The following SENP5 variants were observed in gnomAD, a reference collection of about 807,000 sequenced individuals.
SENP5 encodes SUMO specific peptidase 5, also known as sentrin-specific protease 5.
A neutral mutation model predicts 74.2 loss-of-function variants in SENP5; 21 were observed. That is an observed-to-expected ratio of 0.28 (90% CI 0.20 to 0.41). The LOEUF is 0.41. SENP5 is among the 10% of genes least tolerant of loss of function. The pLI, the probability that SENP5 is intolerant of heterozygous loss-of-function variation, is 1.00. For missense variants in SENP5, 717 were observed against 889.1 expected, an observed-to-expected ratio of 0.81 and a Z score of 2.46; for synonymous variants, 311 against 312.7, an observed-to-expected ratio of 0.99 and a Z score of 0.06.
chr3:196,914,709 A>G (rs965536992), intron 6 of SENP5: 18 of 149,928 alleles, frequency 1.2e-4, no homozygotes, highest in Non-Finnish European at 2.4e-4. Context: ...GTACCCTTCA[A>G]CCATCGTCCT....
intron 6 of SENP5, among the ~76,000 whole-genome samples, chr3:196,919,765 C>G (rs890240537): frequency 4.0e-5 from 6 of 151,172 alleles, no homozygotes; most frequent in Admixed American, 1.3e-4. Flanking sequence ...TCCACTGCAG[C>G]CTGGGCAACA....
At chr3:196,877,769 A>G (rs1713544868) in intron 1 of SENP5, among the ~76,000 whole-genome samples, 3 of 152,302 alleles carry the variant, frequency 2.0e-5, no homozygotes, top group South Asian at 2.1e-4. Flanking sequence ...TGAGTTCTCT[A>G]CAGAATCCCA....
At chr3:196,911,577 A>G (rs369968910) in intron 6 of SENP5, among the ~76,000 whole-genome samples, 1 of 151,074 alleles carries the variant, frequency 6.6e-6, no homozygotes, top group African/African-American at 2.4e-5. Context: ...AAAAAAGGAC[A>G]TTTATGTAGC....
At chr3:196,899,608 A>T (rs1714610810) in intron 2 of SENP5, 58 bp from the exon 3 acceptor site, 1 of 1,006,956 alleles carries the variant, frequency 9.9e-7, no homozygotes, top group Admixed American at 1.7e-5. Context: ...TTGGAGAATG[A>T]CTCTACTGAA....
intron 6 of SENP5, among the ~76,000 whole-genome samples, chr3:196,921,572 C>T (rs796489073): frequency 2.0e-4 from 30 of 151,764 alleles, no homozygotes; most frequent in African/African-American, 6.8e-4. Context: ...GTTTTATTTA[C>T]TACTGTATTC....
intron 1 of SENP5, among the ~76,000 whole-genome samples, chr3:196,874,267 G>A (rs1416177342): frequency 9.4e-6 from 1 of 106,388 alleles, no homozygotes; most frequent in African/African-American, 3.8e-5. Context: ...TGCTTCATCA[G>A]AATTTAAACA....
intron 2 of SENP5, among the ~76,000 whole-genome samples, chr3:196,890,055 A>G (rs1714139196): frequency 6.6e-6 from 1 of 152,238 alleles, no homozygotes; most frequent in Non-Finnish European, 1.5e-5. Context: ...TTTTCAGAAC[A>G]GCTGCTGGGG....
intron 7 of SENP5, among the ~76,000 whole-genome samples, chr3:196,926,161 A>G (rs1715802108): frequency 6.6e-6 from 1 of 152,258 alleles, no homozygotes; most frequent in East Asian, 1.9e-4. Flanking sequence ...TTAAGGACAA[A>G]TCCTTTTTGC....
At chr3:196,883,111 C>G (rs887256570) in intron 1 of SENP5, among the ~76,000 whole-genome samples, 2 of 151,904 alleles carry the variant, frequency 1.3e-5, no homozygotes, top group Non-Finnish European at 2.9e-5. Context: ...TGCAGACTTT[C>G]CATTTTACTC....
chr3:196,902,080 A>G (rs1001749037), intron 5 of SENP5, among the ~76,000 whole-genome samples: 4 of 152,252 alleles, frequency 2.6e-5, no homozygotes, highest in East Asian at 1.9e-4. Context: ...GACAGCTACT[A>G]TAAGCTCTTT....
chr3:196,917,388 G>A (rs2108856183), intron 6 of SENP5, among the ~76,000 whole-genome samples: 1 of 152,120 alleles, frequency 6.6e-6, no homozygotes, highest in East Asian at 1.9e-4. Flanking sequence ...GAGAGAGAGA[G>A]GGTAGAAACT....
intron 1 of SENP5, among the ~76,000 whole-genome samples, chr3:196,881,485 G>A (rs538965413): frequency 6.6e-6 from 1 of 152,232 alleles, no homozygotes; most frequent in Non-Finnish European, 1.5e-5. Flanking sequence ...CCAAGAGAAT[G>A]TGTTATAATT....
intron 1 of SENP5, among the ~76,000 whole-genome samples, chr3:196,880,615 T>A (rs1332668962): frequency 6.6e-6 from 1 of 151,356 alleles, no homozygotes; most frequent in Admixed American, 6.6e-5. Context: ...ACTGATGTGA[T>A]TGAAGAGTAT....
At chr3:196,881,730 A>T (rs1713732350) in intron 1 of SENP5, among the ~76,000 whole-genome samples, 1 of 150,242 alleles carries the variant, frequency 6.7e-6, no homozygotes, top group Non-Finnish European at 1.5e-5. Flanking sequence ...TTCATTTATT[A>T]TTTTTTTTAA....
chr3:196,885,462 C>G lies in SENP5; in HGVS notation c.281C>G (p.Ser94Cys). 1 of 1,614,106 alleles carries G rather than the reference C, an allele frequency of 6.2e-7. No individual in the cohort carries two copies. The highest frequency in any genetic ancestry group is 1.1e-5 in the South Asian group (1 of 91,084). Residue 94 changes from serine (S) to cysteine (C), a missense_variant, in exon 2 of 10, where the codon TCT becomes TGT. Coordinates refer to ENST00000323460, the MANE Select transcript of SENP5 (RefSeq NM_152699.5). Reference protein sequence around the residue: ...VATQNVSTLSSKVKRKDAKHF... With the variant: ...VATQNVSTLSCKVKRKDAKHF... ...ACTCAAAATGTTAGTACTTTGTCCT[C>G]TAAAGTGAAAAGAAAGGACGCTAAA...
At chr3:196,872,251 A>G (rs545876834) in intron 1 of SENP5, among the ~76,000 whole-genome samples, 14 of 152,338 alleles carry the variant, frequency 9.2e-5, no homozygotes, top group African/African-American at 9.6e-5. Context: ...TTTGGTCAGT[A>G]TGAACATACA....
intron 6 of SENP5, chr3:196,905,075 T>C (rs1016909630): frequency 2.0e-5 from 3 of 152,164 alleles, no homozygotes; most frequent in African/African-American, 7.2e-5. Context: ...AATTCTTGTA[T>C]TTTTAATAGA....
chr3:196,903,732 C>G, intron 6 of SENP5, 122 bp downstream of exon 6: 1 of 575,976 alleles, frequency 1.7e-6, no homozygotes, highest in East Asian at 3.0e-5. Context: ...TTTAATGTGA[C>G]AAGTTTTAAA....
chr3:196,878,181 CATGTT>C (rs1366800486), intron 1 of SENP5, among the ~76,000 whole-genome samples: 8 of 152,304 alleles, frequency 5.3e-5, no homozygotes. Flanking sequence ...TTCAAATAGT[CATGTT>C]ATGTTACCAA....
Sources: gnomAD v4.1 joint callset for allele counts (sites outside exome capture counted in the v4.1 genomes callset) on GRCh38, gnomAD v4.1.1 for gene constraint, MANE v1.5 for transcripts, NCBI Gene and HGNC (gene_info 2026-07-23, HGNC 2026-07-21) for gene names.